Variants in HSD17B11 observed in about 807,000 individuals in gnomAD.
The protein encoded by HSD17B11 is estradiol 17-beta-dehydrogenase 11.
HSD17B11 carries 22 observed loss-of-function variants against 27.8 expected under a neutral mutation model. The ratio of observed to expected loss-of-function variants is 0.79; its 90% CI spans 0.56 to 1.13. HSD17B11 has a LOEUF of 1.13. Ranked by LOEUF, HSD17B11 falls within the 50% of genes most tolerant of loss-of-function variation. The pLI is 0.00. For missense variants in HSD17B11, 314 were observed against 351.1 expected (o/e 0.89, Z 0.84); for synonymous variants, 117 against 132.8 (o/e 0.88, Z 0.82).
At chr4:87,369,172 G>A (rs1232566235) in intron 4 of HSD17B11, among the ~76,000 whole-genome samples, 2 of 152,070 alleles carry the variant, frequency 1.3e-5, no homozygotes, top group Non-Finnish European at 2.9e-5. Context: ...TTACTTAAGT[G>A]ACCAAAAATG....
At chr4:87,381,059 C>T (rs1427060765) in intron 2 of HSD17B11, among the ~76,000 whole-genome samples, 2 of 150,462 alleles carry the variant, frequency 1.3e-5, no homozygotes, top group African/African-American at 2.4e-5. Flanking sequence ...ATGGTGCGTG[C>T]CTGTAATCAC....
At chr4:87,356,657 A>G (rs779961156) in intron 5 of HSD17B11, among the ~76,000 whole-genome samples, 17 of 152,372 alleles carry the variant, frequency 1.1e-4, no homozygotes, top group South Asian at 6.2e-4. Context: ...TAAACAAATA[A>G]GTATGCATCA....
chr4:87,387,738 C>G (rs533562834), intron 1 of HSD17B11, among the ~76,000 whole-genome samples: 1 of 152,008 alleles, frequency 6.6e-6, no homozygotes, highest in Non-Finnish European at 1.5e-5. Context: ...TTTTTACCCA[C>G]AAAAAGTAGG....
chr4:87,375,058 C>T (rs28709117), intron 2 of HSD17B11, among the ~76,000 whole-genome samples: 31,318 of 152,064 alleles, frequency 0.21, 4,019 homozygotes, highest in Non-Finnish European at 0.28. Context: ...CACGCCACAC[C>T]TGGCTAATTT....
intron 5 of HSD17B11, among the ~76,000 whole-genome samples, chr4:87,341,615 C>T (rs1004513892): frequency 1.3e-5 from 2 of 152,140 alleles, no homozygotes; most frequent in African/African-American, 4.8e-5. Context: ...AATCCCAGCA[C>T]TTTGGGAGGC....
At chr4:87,362,673 C>T (rs62319081) in intron 4 of HSD17B11, among the ~76,000 whole-genome samples, 6,710 of 152,222 alleles carry the variant, frequency 0.044, 209 homozygotes, top group Non-Finnish European at 0.062. Flanking sequence ...TGCCTTTGTA[C>T]TCTTTGCTGA....
At chr4:87,342,644 T>G (rs1024212128) in intron 5 of HSD17B11, among the ~76,000 whole-genome samples, 2 of 152,084 alleles carry the variant, frequency 1.3e-5, no homozygotes, top group African/African-American at 4.8e-5. Context: ...CTGGGACAAT[T>G]GAGAAGTATA....
chr4:87,367,467 C>G (rs888627393), intron 4 of HSD17B11, among the ~76,000 whole-genome samples: 2 of 152,274 alleles, frequency 1.3e-5, no homozygotes, highest in African/African-American at 4.8e-5. Flanking sequence ...AAAGTCTTAC[C>G]TGAGATTCCT....
At position 87,357,948 on chromosome 4, in the gene HSD17B11, AATTTTTTTTTTTT is replaced by A. The variant is rs1246877838; in HGVS notation, c.558-545_558-533del. Among the ~76,000 whole-genome samples the A allele has an allele frequency of 8.2e-5, 8 of 97,390 alleles. No individual in the cohort carries two copies. In the East Asian group the frequency reaches 2.4e-3, roughly 30 times the overall value. 63.9% of individuals were successfully genotyped at this position (97,390 alleles called of 152,430 possible). On this transcript the variant is annotated intron_variant, in intron 4 of 6. Transcript: ENST00000358290. ...TTTGTAACTGAACATTCATTAGAGA[AATTTTTTTTTTTT>A]TTTTTTTTTTTTTTTTTTGAGACAG...
At chr4:87,376,104 T>C (rs1283810352) in intron 2 of HSD17B11, among the ~76,000 whole-genome samples, 2 of 152,258 alleles carry the variant, frequency 1.3e-5, no homozygotes, top group Non-Finnish European at 2.9e-5. Context: ...CACAGTAAAC[T>C]GCTATTACTA....
chr4:87,369,256 T>C (rs1735664875), intron 4 of HSD17B11, among the ~76,000 whole-genome samples: 1 of 152,168 alleles, frequency 6.6e-6, no homozygotes, highest in Admixed American at 6.5e-5. Context: ...AACTTTATGG[T>C]GAACCTATAT....
chr4:87,338,886 G>A (rs116430080), intron 6 of HSD17B11, among the ~76,000 whole-genome samples: 2,131 of 152,180 alleles, frequency 0.014, 50 homozygotes, highest in African/African-American at 0.049. Context: ...GCCCTATAAA[G>A]TCCAATTGTT....
intron 2 of HSD17B11, among the ~76,000 whole-genome samples, chr4:87,378,875 TATATAA>T (rs1411651539): frequency 2.2e-3 from 35 of 15,978 alleles, no homozygotes; most frequent in Admixed American, 6.8e-3. Flanking sequence ...TAAATATATA[TATATAA>T]ATATATATAT....
chr4:87,389,625 G>A (rs985591080), intron 1 of HSD17B11, among the ~76,000 whole-genome samples: 10 of 152,196 alleles, frequency 6.6e-5, no homozygotes, highest in African/African-American at 2.4e-4. Flanking sequence ...GCAGCAGACA[G>A]TCATTATTTG....
At chr4:87,387,380 C>G (rs986914617) in intron 1 of HSD17B11, among the ~76,000 whole-genome samples, 24 of 152,186 alleles carry the variant, frequency 1.6e-4, no homozygotes, top group Admixed American at 9.8e-4. Flanking sequence ...TCTTTGTACT[C>G]TAGGTGAAAG....
At chr4:87,380,470 C>CAAAA (rs759061081) in intron 2 of HSD17B11, among the ~76,000 whole-genome samples, 12 of 38,988 alleles carry the variant, frequency 3.1e-4, no homozygotes, top group South Asian at 7.9e-4. Flanking sequence ...AAGACTGTCT[C>CAAAA]AAAAAAAAAA....
At chr4:87,347,164 T>G (rs1166502791) in intron 5 of HSD17B11, among the ~76,000 whole-genome samples, 64 of 72,254 alleles carry the variant, frequency 8.9e-4, no homozygotes, top group Non-Finnish European at 1.3e-3. Context: ...AGGGTACATG[T>G]GCACATTGTG....
At chr4:87,373,729 A>T (rs192348573) in intron 3 of HSD17B11, among the ~76,000 whole-genome samples, 3 of 152,206 alleles carry the variant, frequency 2.0e-5, no homozygotes, top group Non-Finnish European at 4.4e-5. Flanking sequence ...AAAAAAAGAG[A>T]CAGTAACCTA....
intron 5 of HSD17B11, among the ~76,000 whole-genome samples, chr4:87,345,832 A>C (rs949822467): frequency 3.3e-5 from 5 of 152,186 alleles, no homozygotes; most frequent in African/African-American, 9.6e-5. Flanking sequence ...AGAGGAGCCC[A>C]GGACTAGATG....
Sources: allele counts gnomAD v4.1 joint callset (sites outside exome capture counted in the v4.1 genomes callset), GRCh38; gene constraint gnomAD v4.1.1; transcripts MANE v1.5; gene names NCBI Gene and HGNC (gene_info 2026-07-23, HGNC 2026-07-21).